Variants in PID1 observed in about 807,000 individuals in gnomAD.
PID1 encodes phosphotyrosine interaction domain containing 1, also known as PTB-containing, cubilin and LRP1-interacting protein.
A neutral mutation model predicts 19.1 loss-of-function variants in PID1; 10 were observed. That is an observed-to-expected ratio of 0.52 (90% confidence interval 0.32 to 0.89). The LOEUF (loss-of-function observed/expected upper bound fraction) is 0.89, where lower values mean the gene tolerates loss of function less well. Ranked by LOEUF, PID1 falls within the 40% of genes least tolerant of loss-of-function variation. The probability of loss-of-function intolerance (pLI) is 0.03; values close to 1 mark genes in which losing one functional copy is unlikely to be tolerated. For missense variants in PID1, 248 were observed against 285.3 expected, an observed-to-expected ratio of 0.87 and a Z score of 0.94; for synonymous variants, 130 against 116.0, an observed-to-expected ratio of 1.12 and a Z score of -0.78.
At chr2:229,097,290 C>T (rs977775619) in intron 2 of PID1, among the ~76,000 whole-genome samples, 4 of 152,064 alleles carry the variant, frequency 2.6e-5, no homozygotes, top group East Asian at 1.9e-4. Context: ...TGTTCTTTGT[C>T]GCATATAGAG....
At chr2:229,270,803 C>T (rs1690714755) in intron 1 of PID1, among the ~76,000 whole-genome samples, 1 of 152,148 alleles carries the variant, frequency 6.6e-6, no homozygotes, top group African/African-American at 2.4e-5. Context: ...AAAGTTGTAA[C>T]GCCTGAACCC....
At chr2:229,094,615 A>G (rs1450401618) in intron 2 of PID1, among the ~76,000 whole-genome samples, 2 of 152,132 alleles carry the variant, frequency 1.3e-5, no homozygotes, top group Admixed American at 1.3e-4. Flanking sequence ...AAGACAATAG[A>G]GAACTCAGAA....
intron 2 of PID1, among the ~76,000 whole-genome samples, chr2:229,048,650 AG>A (rs1693931348): frequency 6.6e-6 from 1 of 152,192 alleles, no homozygotes; most frequent in Non-Finnish European, 1.5e-5. Context: ...AGAAGTCAAA[AG>A]GAAGGGCAGA....
chr2:229,164,692 A>G (rs2106204075), intron 1 of PID1, among the ~76,000 whole-genome samples: 1 of 152,324 alleles, frequency 6.6e-6, no homozygotes, highest in South Asian at 2.1e-4. Context: ...GCAATGAAGG[A>G]CAGTGGCCCC....
chr2:229,071,724 C>T (rs979736535), intron 2 of PID1, among the ~76,000 whole-genome samples: 2 of 152,110 alleles, frequency 1.3e-5, no homozygotes, highest in African/African-American at 4.8e-5. Context: ...TTGAGGAAAG[C>T]CCACAGTAAA....
chr2:229,172,744 T>C (rs1690735659), intron 1 of PID1, among the ~76,000 whole-genome samples: 1 of 152,138 alleles, frequency 6.6e-6, no homozygotes, highest in South Asian at 2.1e-4. Flanking sequence ...TTTTTGTTTG[T>C]TTTGAGACAA....
chr2:229,109,522 G>A (rs190821477), intron 2 of PID1, among the ~76,000 whole-genome samples: 24 of 152,248 alleles, frequency 1.6e-4, no homozygotes, highest in Admixed American at 1.1e-3. Flanking sequence ...GCAAATGCAT[G>A]CTCCCCATCA....
chr2:229,043,364 G>T (rs1693811781), intron 2 of PID1, among the ~76,000 whole-genome samples: 1 of 152,046 alleles, frequency 6.6e-6, no homozygotes, highest in Non-Finnish European at 1.5e-5. Context: ...ACAGAAGAAA[G>T]TACTGATAAT....
chr2:229,168,734 G>A (rs1002865719), intron 1 of PID1, among the ~76,000 whole-genome samples: 3 of 146,392 alleles, frequency 2.0e-5, no homozygotes, highest in African/African-American at 7.3e-5. Context: ...GTTTCTGTGT[G>A]TGTGCGTCTC....
intron 1 of PID1, among the ~76,000 whole-genome samples, chr2:229,233,743 C>A (rs1692265909): frequency 6.6e-6 from 1 of 152,166 alleles, no homozygotes; most frequent in African/African-American, 2.4e-5. Context: ...CCACTCACCT[C>A]AGCCTCCCAA....
intron 2 of PID1, among the ~76,000 whole-genome samples, chr2:229,064,348 G>T (rs1023674850): frequency 1.3e-5 from 2 of 152,166 alleles, no homozygotes; most frequent in Non-Finnish European, 2.9e-5. Flanking sequence ...TGGTGGTGGG[G>T]ATTTGACTGA....
At chr2:229,108,007 T>C (rs1230769624) in intron 2 of PID1, among the ~76,000 whole-genome samples, 2 of 152,206 alleles carry the variant, frequency 1.3e-5, no homozygotes, top group Admixed American at 1.3e-4. Context: ...GCAACACACA[T>C]ACACACCGAC....
At chr2:229,095,444 C>G (rs1002354324) in intron 2 of PID1, among the ~76,000 whole-genome samples, 1 of 152,142 alleles carries the variant, frequency 6.6e-6, no homozygotes, top group East Asian at 1.9e-4. Context: ...TTTTATTGCA[C>G]AAATTTGGAG....
chr2:229,205,394 A>T (rs1399980553), intron 1 of PID1, among the ~76,000 whole-genome samples: 10 of 152,144 alleles, frequency 6.6e-5, no homozygotes, highest in Non-Finnish European at 1.5e-5. Context: ...TCTACTTGGC[A>T]ATAATTAACA....
intron 2 of PID1, among the ~76,000 whole-genome samples, chr2:229,029,748 G>A (rs987504293): frequency 4.0e-5 from 6 of 151,074 alleles, no homozygotes; most frequent in Non-Finnish European, 7.4e-5. Context: ...GCTGAGGCAG[G>A]AGAATCGCTT....
At chr2:229,204,594 T>C (rs945295761) in intron 1 of PID1, among the ~76,000 whole-genome samples, 3 of 152,090 alleles carry the variant, frequency 2.0e-5, no homozygotes, top group African/African-American at 4.8e-5. Context: ...TAGAGAATCA[T>C]GAGGGCAATT....
chr2:229,153,367 T>C (rs1236763097), intron 2 of PID1, among the ~76,000 whole-genome samples: 1 of 152,166 alleles, frequency 6.6e-6, no homozygotes, highest in East Asian at 1.9e-4. Flanking sequence ...GACTCCAGGG[T>C]CATGATTATC....
intron 2 of PID1, among the ~76,000 whole-genome samples, chr2:229,064,941 G>A (rs1318820079): frequency 6.6e-6 from 1 of 152,122 alleles, no homozygotes; most frequent in East Asian, 1.9e-4. Context: ...ATTCCTTCTA[G>A]CGAACAGATG....
chr2:229,183,865 A>T (rs7588507), intron 1 of PID1, among the ~76,000 whole-genome samples: 5 of 5,812 alleles, frequency 8.6e-4, no homozygotes, highest in South Asian at 3.2e-3. Context: ...CTCTCTCCTC[A>T]CTCTCTCTCT....
Sources: allele counts gnomAD v4.1 joint callset (sites outside exome capture counted in the v4.1 genomes callset), GRCh38; gene constraint gnomAD v4.1.1; transcripts MANE v1.5; gene names NCBI Gene and HGNC (gene_info 2026-07-23, HGNC 2026-07-21).